Variants in MAP3K5 observed in about 807,000 individuals in gnomAD.
MAP3K5 encodes the protein mitogen-activated protein kinase kinase kinase 5.
MAP3K5 carries 56 observed loss-of-function variants against 158.7 expected under a neutral mutation model. The ratio of observed to expected loss-of-function variants is 0.35; its 90% CI spans 0.28 to 0.44. The LOEUF (loss-of-function observed/expected upper bound fraction) is 0.44, where lower values mean the gene tolerates loss of function less well. MAP3K5 is among the 20% of genes least tolerant of loss of function. The pLI is 1.00. For synonymous variants in MAP3K5, 579 were observed against 601.7 expected (o/e 0.96, Z 0.55); for missense variants, 1,294 against 1,674.8 (o/e 0.77, Z 3.97).
chr6:136,681,274 A>G (rs1253763670), intron 7 of MAP3K5, among the ~76,000 whole-genome samples: 1 of 152,202 alleles, frequency 6.6e-6, no homozygotes, highest in Non-Finnish European at 1.5e-5. Flanking sequence ...AGCAAGCCTT[A>G]GTTTCTCTCC....
At chr6:136,706,318 T>C (rs1000835125) in intron 2 of MAP3K5, among the ~76,000 whole-genome samples, 1 of 151,980 alleles carries the variant, frequency 6.6e-6, no homozygotes, top group African/African-American at 2.4e-5. Context: ...ATCTTCTAGG[T>C]TGTGAAGATT....
chr6:136,775,715 T>C (rs1044449488), intron 1 of MAP3K5, among the ~76,000 whole-genome samples: 1 of 152,236 alleles, frequency 6.6e-6, no homozygotes, highest in African/African-American at 2.4e-5. Context: ...CATACAAGCC[T>C]ATTAAATAGT....
rs115383063 is a variant in MAP3K5 at position 136,673,982 on chromosome 6, G to A, written c.1254-4587C>T. Among the ~76,000 whole-genome samples the A allele has an allele frequency of 3.6e-3, 544 of 152,034 alleles. 5 individuals are homozygous for A. Among genetic ancestry groups the A allele is most frequent in the African/African-American group, 0.012 (504 of 41,510 alleles). ...ATGCCAAAACATGTTACCAAAATCC[G>A]AAAACACAGTGGAAAATCTTTTAAA... is the stretch of plus-strand genomic sequence containing the variant. On this transcript the variant is annotated intron_variant, in intron 7 of 29. Coordinates refer to ENST00000359015, the MANE Select transcript of MAP3K5 (RefSeq NM_005923.4).
At chr6:136,762,428 C>A (rs949367292) in intron 1 of MAP3K5, among the ~76,000 whole-genome samples, 1 of 152,186 alleles carries the variant, frequency 6.6e-6, no homozygotes, top group Non-Finnish European at 1.5e-5. Flanking sequence ...GCACATGACC[C>A]TCAGGTGTTC....
At chr6:136,757,986 G>A (rs887839092) in intron 1 of MAP3K5, among the ~76,000 whole-genome samples, 1 of 152,162 alleles carries the variant, frequency 6.6e-6, no homozygotes, top group African/African-American at 2.4e-5. Context: ...GTGGTAATAG[G>A]AGAGTTATAT....
Position 136,770,880 on chromosome 6 carries a change from T to C in MAP3K5, c.448+20830A>G, listed in dbSNP as rs569750102. On this transcript the variant is annotated intron_variant, in intron 1 of 29. Coordinates refer to ENST00000359015, the MANE Select transcript of MAP3K5 (RefSeq NM_005923.4). ...CTGTCAGGAATTCACACAAAAATTA[T>C]CATAAACATAAAACTGAGGAAAAAT... Among the ~76,000 whole-genome samples the C allele has an allele frequency of 1.6e-4, 24 of 152,286 alleles. 1 individual carries two copies. In the South Asian group the frequency reaches 3.5e-3, roughly 22 times the overall value.
intron 15 of MAP3K5, among the ~76,000 whole-genome samples, chr6:136,616,458 C>G (rs1302929224): frequency 6.6e-6 from 1 of 151,850 alleles, no homozygotes; most frequent in East Asian, 1.9e-4. Context: ...GCGCCTGCCA[C>G]CATGCCTGGC....
intron 2 of MAP3K5, among the ~76,000 whole-genome samples, chr6:136,713,734 GA>G (rs1345452614): frequency 3.3e-5 from 5 of 151,636 alleles, no homozygotes; most frequent in Admixed American, 3.3e-4. Flanking sequence ...TCTACCAAAT[GA>G]AAAGAAGTGT....
At chr6:136,642,930 G>A (rs986818343) in intron 11 of MAP3K5, among the ~76,000 whole-genome samples, 8 of 152,058 alleles carry the variant, frequency 5.3e-5, no homozygotes, top group Admixed American at 2.6e-4. Flanking sequence ...CTTCTTTTCC[G>A]AGAAAGATAA....
intron 2 of MAP3K5, among the ~76,000 whole-genome samples, chr6:136,719,958 T>C (rs915542694): frequency 1.3e-5 from 2 of 152,238 alleles, no homozygotes; most frequent in East Asian, 1.9e-4. Context: ...TTGAATTTTG[T>C]AGACAAACAT....
intron 1 of MAP3K5, among the ~76,000 whole-genome samples, chr6:136,742,660 A>G (rs1317136494): frequency 6.6e-6 from 1 of 152,226 alleles, no homozygotes; most frequent in African/African-American, 2.4e-5. Context: ...TATTAAAACT[A>G]AAAATTTCTG....
At chr6:136,645,906 T>G (rs1205309324) in intron 11 of MAP3K5, among the ~76,000 whole-genome samples, 1 of 152,190 alleles carries the variant, frequency 6.6e-6, no homozygotes, top group East Asian at 1.9e-4. Context: ...TAGGAAAAAT[T>G]TTTAAACATT....
In MAP3K5 at chr6:136,611,297, T is replaced by C; in HGVS notation, c.2506A>G (p.Thr836Ala). The change falls in exon 18 of 30, where the codon ACT (threonine) becomes GCT (alanine). Residue 836 changes from threonine to alanine, a missense_variant. Physicochemically the swap from Thr to Ala is moderately conservative, Grantham distance 58. Around this residue, in one of 5 missense-constraint regions of MAP3K5, gnomAD observed 362 missense variants for 463.2 expected, o/e 0.78. Transcript: ENST00000359015. The part of the protein sequence containing the change: ...SKRLAGINPC[T>A]ETFTGTLQYM... The stretch of plus-strand genomic sequence containing the variant: ...AAAAACATACCAGTAAAAGTTTCAG[T>C]ACAGGGGTTTATGCCAGCAAGCCTC... 6.2e-7 allele frequency: 1 copy of C among 1,610,912 alleles called. No homozygotes were observed. The highest frequency in any genetic ancestry group is 8.5e-7 in the Non-Finnish European group (1 of 1,177,214).
intron 23 of MAP3K5, among the ~76,000 whole-genome samples, chr6:136,588,232 CAGCG>C (rs1775224834): frequency 1.3e-5 from 2 of 152,270 alleles, no homozygotes; most frequent in South Asian, 4.1e-4. Context: ...TCGGGCCTAC[CAGCG>C]AGGCAGAGCA....
rs192693732 is a variant in MAP3K5 at position 136,730,947 on chromosome 6, T to G, written c.449-10358A>C. On this transcript the variant is annotated intron_variant, in intron 1 of 29. Transcript: ENST00000359015. ...TAACAGCAGAAGAAATTAAAAAGCA[T>G]GCTATGTAGAAACAATGGATACTAT... Among the ~76,000 whole-genome samples the G allele has an allele frequency of 2.6e-5, 4 of 152,276 alleles. No individual in the cohort carries two copies. The East Asian group carries it at 7.7e-4, about 29-fold the overall frequency.
chr6:136,763,847 G>A (rs550387162), intron 1 of MAP3K5, among the ~76,000 whole-genome samples: 46 of 152,168 alleles, frequency 3.0e-4, no homozygotes, highest in African/African-American at 1.0e-3. Context: ...ACAGGTTATC[G>A]CAGGAGTGGG....
At position 136,613,389 on chromosome 6, in the gene MAP3K5, G is replaced by C. The variant is rs1328089742; in HGVS notation, c.2279-133C>G. 5 of 648,432 alleles carry C rather than the reference G, an allele frequency of 7.7e-6. No individual in the cohort carries two copies. In the South Asian group the frequency reaches 1.6e-4, roughly 20 times the overall value. The allele number at this position is 648,432 out of a possible 1,614,324, so 40.2% of individuals were successfully genotyped here. A position where few individuals can be genotyped will look rare whatever the true frequency, so the allele number is the denominator to read the frequency against. On this transcript the variant is annotated intron_variant, in intron 16 of 29. Transcript: ENST00000359015. The surrounding 1 kb of genome is among the most constrained non-coding windows in gnomAD (Gnocchi z 4.0). ...TGGCCCAGGAGCTATACTGGATATC[G>C]GGCTCAAACATGAATTTGCAAATAT...
chr6:136,582,203 T>C (rs1270549327), intron 24 of MAP3K5, among the ~76,000 whole-genome samples: 1 of 152,132 alleles, frequency 6.6e-6, no homozygotes, highest in Non-Finnish European at 1.5e-5. Flanking sequence ...TTTGGGTTCA[T>C]TCTCATCCTG....
Position 136,752,707 on chromosome 6 carries a change from C to T in MAP3K5, c.449-32118G>A, listed in dbSNP as rs566230877. On this transcript the variant is annotated intron_variant, in intron 1 of 29. Transcript: ENST00000359015. ...GATTATGGGTGTGAGCCACTGGGCCCAGCCTTTAGCTGGGTTCTGAGTGTG... is the reference window on the plus strand; with the variant it reads ...GATTATGGGTGTGAGCCACTGGGCCTAGCCTTTAGCTGGGTTCTGAGTGTG... Among the ~76,000 whole-genome samples, 8 of 152,332 alleles carry T rather than the reference C, an allele frequency of 5.3e-5. No individual in the cohort carries two copies. In the South Asian group the frequency reaches 1.7e-3, roughly 32 times the overall value.
Sources: allele counts gnomAD v4.1 joint callset (sites outside exome capture counted in the v4.1 genomes callset), GRCh38; gene constraint gnomAD v4.1.1; regional missense constraint gnomAD v4.1.1; non-coding constraint Gnocchi (gnomAD v3.1); transcripts MANE v1.5; gene names NCBI Gene and HGNC (gene_info 2026-07-23, HGNC 2026-07-21).